Variants in SLC26A8 observed in about 807,000 individuals in gnomAD.
SLC26A8 encodes solute carrier family 26 member 8.
A neutral mutation model predicts 105.0 loss-of-function variants in SLC26A8; 70 were observed. The ratio of observed to expected loss-of-function variants is 0.67; its 90% confidence interval spans 0.55 to 0.81. The LOEUF (loss-of-function observed/expected upper bound fraction) is 0.81, where lower values mean the gene tolerates loss of function less well. Ranked by LOEUF, SLC26A8 falls within the 40% of genes least tolerant of loss-of-function variation. The probability of loss-of-function intolerance (pLI) is 0.00; values close to 1 mark genes in which losing one functional copy is unlikely to be tolerated. For missense variants in SLC26A8, 998 were observed against 1,181.8 expected (o/e 0.84, Z 2.28); for synonymous variants, 415 against 438.3 (o/e 0.95, Z 0.66).
chr6:36,018,284 A>G (rs570538064), intron 2 of SLC26A8, among the ~76,000 whole-genome samples: 2 of 152,358 alleles, frequency 1.3e-5, no homozygotes, highest in Admixed American at 6.5e-5. Flanking sequence ...ACGAATGGAT[A>G]AACAAAAATG....
intron 2 of SLC26A8, among the ~76,000 whole-genome samples, chr6:36,013,221 G>A (rs533627421): frequency 7.7e-4 from 116 of 150,408 alleles, no homozygotes; most frequent in African/African-American, 2.7e-3. Flanking sequence ...TTTTTAGATG[G>A]AGTCTTGCTC....
rs560521560 is a variant in SLC26A8, at chr6:35,972,297, G to A, written c.1287+3078C>T. 3.7e-4 allele frequency among the ~76,000 whole-genome samples: 56 copies of A among 152,110 alleles called. 2 individuals are homozygous for A. In the East Asian group the frequency reaches 5.8e-3, roughly 16 times the overall value. On this transcript the variant is annotated intron_variant, in intron 10 of 19. Coordinates refer to ENST00000490799, the MANE Select transcript of SLC26A8 (RefSeq NM_052961.4). ...AAGAGCCCCCAGCGGGTTGGCGCACGGTGGCTCATGCCTGGAATCCTAGCA... is the reference window on the plus strand; with the variant it reads ...AAGAGCCCCCAGCGGGTTGGCGCACAGTGGCTCATGCCTGGAATCCTAGCA...
At chr6:36,017,945 A>C (rs958443975) in intron 2 of SLC26A8, among the ~76,000 whole-genome samples, 2 of 152,252 alleles carry the variant, frequency 1.3e-5, no homozygotes, top group Admixed American at 6.5e-5. Flanking sequence ...TCATCAGGAA[A>C]ATGCAGAACA....
chr6:35,948,544 G>A (rs1038247125), intron 19 of SLC26A8, among the ~76,000 whole-genome samples: 52 of 152,190 alleles, frequency 3.4e-4, no homozygotes, highest in African/African-American at 1.2e-3. Context: ...AGCCGAGATT[G>A]TGCCACTGCA....
At chr6:35,960,795 C>A (rs769581221) in intron 14 of SLC26A8, 48 bp downstream of exon 14, 8 of 1,569,376 alleles carry the variant, frequency 5.1e-6, no homozygotes, top group Admixed American at 1.7e-5. Context: ...TGAGGTGGGG[C>A]CCACTCTATC....
intron 2 of SLC26A8, among the ~76,000 whole-genome samples, chr6:36,013,071 C>T (rs1226139213): frequency 3.9e-5 from 6 of 152,138 alleles, no homozygotes; most frequent in Admixed American, 2.0e-4. Flanking sequence ...AATATGAAGT[C>T]CTGTGCTTAA....
Position 35,959,698 on chromosome 6 carries a change from G to C in SLC26A8, c.1731+16C>G. 6.2e-7 allele frequency: 1 copy of C among 1,604,058 alleles called. No individual in the cohort carries two copies. The highest frequency in any genetic ancestry group is 8.5e-7 in the Non-Finnish European group (1 of 1,175,916). On this transcript the variant is annotated intron_variant, in intron 15 of 19. Coordinates refer to ENST00000490799, the MANE Select transcript of SLC26A8 (RefSeq NM_052961.4). ...GGAGTGGGCAGGTTGAGAAAGGCGG[G>C]CAGGAGGGCAGATACCTCTTTTAAC...
chr6:35,965,961 A>G (rs1287660024), intron 11 of SLC26A8, among the ~76,000 whole-genome samples: 1 of 150,414 alleles, frequency 6.6e-6, no homozygotes, highest in Non-Finnish European at 1.5e-5. Context: ...AGATCATGCC[A>G]CTGCACTCCA....
intron 10 of SLC26A8, among the ~76,000 whole-genome samples, chr6:35,975,010 G>A (rs1772947529): frequency 6.6e-6 from 1 of 151,146 alleles, no homozygotes; most frequent in Non-Finnish European, 1.5e-5. Flanking sequence ...CACCCACTTC[G>A]GCCTTCTAAA....
At chr6:35,952,963 G>A (rs371159543) in intron 17 of SLC26A8, among the ~76,000 whole-genome samples, 3 of 138,944 alleles carry the variant, frequency 2.2e-5, no homozygotes, top group East Asian at 2.2e-4. Context: ...GCAGTGAGCC[G>A]AGATCATGCC....
At chr6:36,020,624 GA>G (rs967847513) in intron 1 of SLC26A8, among the ~76,000 whole-genome samples, 17 of 150,432 alleles carry the variant, frequency 1.1e-4, no homozygotes, top group Admixed American at 5.3e-4. Flanking sequence ...GTCTCTAAAA[GA>G]AAAAAAAATC....
chr6:35,985,340 A>G (rs1004185986), intron 7 of SLC26A8, among the ~76,000 whole-genome samples: 1 of 152,188 alleles, frequency 6.6e-6, no homozygotes, highest in African/African-American at 2.4e-5. Context: ...GACCTGTGTC[A>G]GATACATCTG....
chr6:35,943,925 T>C lies in SLC26A8; in HGVS notation c.2888A>G (p.Glu963Gly). 6.2e-7 allele frequency: 1 copy of C among 1,614,198 alleles called. No individual in the cohort carries two copies. Among genetic ancestry groups the C allele is most frequent in the Non-Finnish European group, 8.5e-7 (1 of 1,180,016 alleles). Residue 963 changes from glutamate (E) to glycine (G), a missense_variant, in exon 20 of 20, where the codon GAG becomes GGG. Transcript: ENST00000490799. Reference sequence around the variant, plus strand: ...CTAGACATCTTCATTGCTGTTGCCCTCTGGTGAGTATGAATCCATAGGATG... The same window carrying C: ...CTAGACATCTTCATTGCTGTTGCCCCCTGGTGAGTATGAATCCATAGGATG... ...RRHPMDSYSP[E>G]GNSNEDV
chr6:36,015,994 GTTTTT>G (rs1195602569), intron 2 of SLC26A8, among the ~76,000 whole-genome samples: 1 of 145,268 alleles, frequency 6.9e-6, no homozygotes, highest in Admixed American at 6.9e-5. Flanking sequence ...AGGATTCTTT[GTTTTT>G]TTTTTTTCTT....
intron 10 of SLC26A8, among the ~76,000 whole-genome samples, chr6:35,973,483 G>C (rs1256133702): frequency 2.6e-5 from 4 of 152,084 alleles, no homozygotes; most frequent in Non-Finnish European, 5.9e-5. Context: ...ATGTGGCCCA[G>C]GACAGCTTTG....
Position 35,943,582 on chromosome 6 carries a change from T to G in SLC26A8, c.*318A>C. Reference sequence around the variant, plus strand: ...AGAAAGGGGAACAGGGATGAGAGGATTAAGTTAGAGATGGTCTGGCACAAA... The same window carrying G: ...AGAAAGGGGAACAGGGATGAGAGGAGTAAGTTAGAGATGGTCTGGCACAAA... On this transcript the variant is annotated 3_prime_UTR_variant, in exon 20 of 20. Transcript: ENST00000490799. The G allele has an allele frequency of 7.3e-6, 2 of 274,416 alleles. No individual in the cohort carries two copies. Among genetic ancestry groups the G allele is most frequent in the Non-Finnish European group, 7.0e-6 (1 of 143,282 alleles). 17.0% of individuals were successfully genotyped at this position (274,416 alleles called of 1,614,324 possible). A position where few individuals can be genotyped will look rare whatever the true frequency, so the allele number is the denominator to read the frequency against.
At chr6:35,976,424 CAAA>C (rs570957960) in intron 9 of SLC26A8, among the ~76,000 whole-genome samples, 1 of 121,594 alleles carries the variant, frequency 8.2e-6, no homozygotes, top group Non-Finnish European at 1.7e-5. Context: ...AACTCCGTCT[CAAA>C]AAAAAAAAAA....
chr6:35,957,849 G>A (rs999228616), intron 16 of SLC26A8, among the ~76,000 whole-genome samples: 5 of 151,784 alleles, frequency 3.3e-5, no homozygotes, highest in African/African-American at 7.3e-5. Context: ...CAGGTGATCC[G>A]CCTGCCTCGG....
intron 4 of SLC26A8, 53 bp from the exon 5 acceptor site, chr6:35,997,972 A>G (rs905755490): frequency 1.2e-5 from 18 of 1,534,452 alleles, no homozygotes; most frequent in Non-Finnish European, 1.6e-5. Flanking sequence ...AGGTAAACTG[A>G]TATTGACAAA....
Sources: gnomAD v4.1 joint callset for allele counts (sites outside exome capture counted in the v4.1 genomes callset) on GRCh38, gnomAD v4.1.1 for gene constraint, MANE v1.5 for transcripts, NCBI Gene and HGNC (gene_info 2026-07-23, HGNC 2026-07-21) for gene names.